The following CNTNAP2 variants were observed in gnomAD, a reference collection of about 807,000 sequenced individuals.
The protein encoded by CNTNAP2 is contactin associated protein 2, also known as contactin-associated protein-like 2.
A neutral mutation model predicts 155.2 loss-of-function variants in CNTNAP2; 98 were observed. The observed-to-expected ratio is 0.63, with a 90% CI of 0.54 to 0.75. CNTNAP2 has a LOEUF of 0.75. Ranked by LOEUF, CNTNAP2 falls within the 30% of genes least tolerant of loss-of-function variation. The pLI, the probability that CNTNAP2 is intolerant of heterozygous loss-of-function variation, is 0.00. For missense variants in CNTNAP2, 1,727 were observed against 1,688.1 expected, an observed-to-expected ratio of 1.02 and a Z score of -0.40; for synonymous variants, 651 against 631.2, an observed-to-expected ratio of 1.03 and a Z score of -0.47.
chr7:147,800,257 T>G (rs900445827), intron 13 of CNTNAP2, among the ~76,000 whole-genome samples: 7 of 152,178 alleles, frequency 4.6e-5, no homozygotes, highest in African/African-American at 1.7e-4. Context: ...AAGATTTGAT[T>G]TGGGGATCCC....
chr7:148,159,047 C>T (rs529041517), intron 17 of CNTNAP2, among the ~76,000 whole-genome samples: 7 of 152,084 alleles, frequency 4.6e-5, no homozygotes, highest in Non-Finnish European at 1.0e-4. Context: ...TTTAGTATTC[C>T]GCATTCAGAT....
intron 1 of CNTNAP2, among the ~76,000 whole-genome samples, chr7:146,697,801 T>C (rs979153572): frequency 1.3e-5 from 2 of 152,182 alleles, no homozygotes; most frequent in African/African-American, 4.8e-5. Context: ...ATGATATATT[T>C]ATATTAATGC....
intron 16 of CNTNAP2, among the ~76,000 whole-genome samples, chr7:148,147,232 C>T (rs1218238615): frequency 6.6e-6 from 1 of 152,152 alleles, no homozygotes; most frequent in African/African-American, 2.4e-5. Flanking sequence ...CAATGATGGT[C>T]ACATCTTGGA....
intron 13 of CNTNAP2, among the ~76,000 whole-genome samples, chr7:147,646,832 C>A (rs1185931032): frequency 6.6e-6 from 1 of 152,152 alleles, no homozygotes; most frequent in African/African-American, 2.4e-5. Flanking sequence ...CCCATGTACT[C>A]AGGAGCAAAG....
At chr7:146,875,889 C>A (rs1795411049) in intron 3 of CNTNAP2, among the ~76,000 whole-genome samples, 1 of 125,384 alleles carries the variant, frequency 8.0e-6, no homozygotes, top group East Asian at 2.5e-4. Flanking sequence ...TAAACACACA[C>A]ACACACATAC....
At chr7:147,912,744 G>A (rs928445938) in intron 14 of CNTNAP2, among the ~76,000 whole-genome samples, 1 of 152,218 alleles carries the variant, frequency 6.6e-6, no homozygotes, top group East Asian at 1.9e-4. Flanking sequence ...CCTCCTCCAA[G>A]CCCCAGAGGA....
At chr7:148,300,029 G>T (rs1205040480) in intron 21 of CNTNAP2, among the ~76,000 whole-genome samples, 1 of 152,218 alleles carries the variant, frequency 6.6e-6, no homozygotes, top group Admixed American at 6.5e-5. Context: ...TTCACCTTGA[G>T]AGAGTTGAAC....
chr7:148,168,398 T>A (rs1030264659), intron 17 of CNTNAP2, among the ~76,000 whole-genome samples: 4 of 152,156 alleles, frequency 2.6e-5, no homozygotes, highest in Admixed American at 2.0e-4. Context: ...AATGATGATT[T>A]CCTGTCCTTT....
chr7:147,700,116 C>T (rs1303219230), intron 13 of CNTNAP2, among the ~76,000 whole-genome samples: 2 of 152,130 alleles, frequency 1.3e-5, no homozygotes, highest in Admixed American at 1.3e-4. Flanking sequence ...AGAATCATAC[C>T]TAGTCCTAAG....
chr7:146,404,958 A>G (rs185237419), intron 1 of CNTNAP2, among the ~76,000 whole-genome samples: 1 of 152,244 alleles, frequency 6.6e-6, no homozygotes, highest in South Asian at 2.1e-4. Flanking sequence ...GTAATGACAT[A>G]TTTATCAATG....
intron 1 of CNTNAP2, among the ~76,000 whole-genome samples, chr7:146,409,654 C>T (rs1324406905): frequency 6.6e-6 from 1 of 152,116 alleles, no homozygotes; most frequent in Admixed American, 6.6e-5. Context: ...AATTTTCTCA[C>T]CTTCCCAAGG....
At chr7:146,310,486 T>A (rs985983552) in intron 1 of CNTNAP2, among the ~76,000 whole-genome samples, 5 of 152,160 alleles carry the variant, frequency 3.3e-5, no homozygotes, top group Non-Finnish European at 5.9e-5. Context: ...GAGGTGGAAA[T>A]CATGTAGTTC....
At chr7:146,190,697 A>G (rs572022645) in intron 1 of CNTNAP2, among the ~76,000 whole-genome samples, 80 of 152,346 alleles carry the variant, frequency 5.3e-4, no homozygotes, top group African/African-American at 1.3e-3. Context: ...GAATTGTTAC[A>G]TTCCTCATGA....
At chr7:148,258,787 T>C (rs552340000) in intron 20 of CNTNAP2, among the ~76,000 whole-genome samples, 3 of 151,728 alleles carry the variant, frequency 2.0e-5, no homozygotes, top group Admixed American at 2.0e-4. Flanking sequence ...TCCCAGCATG[T>C]TGGGAGGTTG....
At chr7:148,290,014 T>C (rs1477472772) in intron 21 of CNTNAP2, among the ~76,000 whole-genome samples, 1 of 152,226 alleles carries the variant, frequency 6.6e-6, no homozygotes, top group Non-Finnish European at 1.5e-5. Flanking sequence ...TTGTAGCACA[T>C]GTTCAAATCA....
intron 4 of CNTNAP2, among the ~76,000 whole-genome samples, chr7:147,087,719 G>A (rs555025762): frequency 7.2e-5 from 11 of 152,260 alleles, no homozygotes; most frequent in African/African-American, 2.6e-4. Flanking sequence ...GCTCATGCCT[G>A]TAATCCCAGC....
chr7:147,807,305 A>C (rs1043564589), intron 13 of CNTNAP2, among the ~76,000 whole-genome samples: 4 of 141,330 alleles, frequency 2.8e-5, no homozygotes, highest in African/African-American at 1.1e-4. Flanking sequence ...CCTGGATGAC[A>C]GAGCAGGTCC....
At chr7:147,765,917 T>C (rs1382319506) in intron 13 of CNTNAP2, among the ~76,000 whole-genome samples, 2 of 152,190 alleles carry the variant, frequency 1.3e-5, no homozygotes, top group African/African-American at 4.8e-5. Flanking sequence ...ACTGCTGACA[T>C]TGGTTACAAT....
At chr7:146,569,760 A>C (rs1798413320) in intron 1 of CNTNAP2, among the ~76,000 whole-genome samples, 1 of 152,192 alleles carries the variant, frequency 6.6e-6, no homozygotes, top group Non-Finnish European at 1.5e-5. Context: ...CAAAATTCCT[A>C]TTCAGGTAGG....
Sources: gnomAD v4.1 joint callset for allele counts (sites outside exome capture counted in the v4.1 genomes callset) on GRCh38, gnomAD v4.1.1 for gene constraint, MANE v1.5 for transcripts, NCBI Gene and HGNC (gene_info 2026-07-23, HGNC 2026-07-21) for gene names.